PCDHGA3: variants seen among roughly 807,000 people sequenced by gnomAD.
PCDHGA3 encodes protocadherin gamma subfamily A, 3.
In PCDHGA3, 40 loss-of-function variants were observed where a neutral mutation model predicts 58.5. The observed-to-expected ratio is 0.68, with a 90% CI of 0.53 to 0.89. The LOEUF (loss-of-function observed/expected upper bound fraction) is 0.89, where lower values mean the gene tolerates loss of function less well. Among genes scored for constraint, PCDHGA3 ranks in the 40% least tolerant of loss-of-function variants. The pLI is 0.00. For synonymous variants in PCDHGA3, 530 were observed against 525.7 expected, an observed-to-expected ratio of 1.01 and a Z score of -0.11; for missense variants, 1,223 against 1,195.9, an observed-to-expected ratio of 1.02 and a Z score of -0.33.
In PCDHGA3 at chr5:141,462,383, G is replaced by A. The variant is rs78537075; in HGVS notation, c.2425-32424G>A. Among the ~76,000 whole-genome samples the A allele has an allele frequency of 5.6e-4, 85 of 151,920 alleles. 1 individual carries two copies. In the East Asian group the frequency reaches 0.016, roughly 29 times the overall value. ...GTATAGTTTCTATTCTTTTAAATTC[G>A]TTAACATTTCTTTTATGGCACAGAA... On this transcript the variant is annotated intron_variant, in intron 1 of 3. Transcript: ENST00000253812.
At chr5:141,466,348 G>A (rs2099120992) in intron 1 of PCDHGA3, among the ~76,000 whole-genome samples, 2 of 151,876 alleles carry the variant, frequency 1.3e-5, no homozygotes, top group Admixed American at 6.6e-5. Context: ...TTTTTTTGCA[G>A]CTAATCTAGA....
intron 2 of PCDHGA3, among the ~76,000 whole-genome samples, chr5:141,496,104 G>A (rs950960102): frequency 6.8e-6 from 1 of 146,980 alleles, no homozygotes; most frequent in African/African-American, 2.5e-5. Context: ...CCAACACCCC[G>A]CTCTCTTCCT....
intron 1 of PCDHGA3, among the ~76,000 whole-genome samples, chr5:141,445,961 G>T (rs944876169): frequency 1.3e-5 from 2 of 152,158 alleles, no homozygotes; most frequent in Non-Finnish European, 2.9e-5. Context: ...GCTATATGGA[G>T]AATTGATTTA....
At position 141,402,911 on chromosome 5, in the gene PCDHGA3, C is replaced by CT. The variant is rs2094320554; in HGVS notation, c.2424+56454_2424+56455insT. 6 of 1,551,858 alleles carry CT rather than the reference C, an allele frequency of 3.9e-6. No homozygotes were observed. In the African/African-American group the frequency reaches 8.2e-5, roughly 21 times the overall value. ...GAAGAAAGAACCTGATGAAGCAGCG[C>CT]GCACAGAGATCCTTTTGAGAAAATT... On this transcript the variant is annotated intron_variant, in intron 1 of 3. Coordinates refer to ENST00000253812, the MANE Select transcript of PCDHGA3 (RefSeq NM_018916.4).
In PCDHGA3 at chr5:141,413,371, CGCGGAGT is replaced by C. The variant is rs765391000; in HGVS notation, c.2424+66915_2424+66921del. The C allele has an allele frequency of 3.7e-6, 6 of 1,613,848 alleles. No homozygotes were observed. In the African/African-American group the frequency reaches 8.0e-5, roughly 22 times the overall value. On this transcript the variant is annotated intron_variant, in intron 1 of 3. Coordinates refer to ENST00000253812, the MANE Select transcript of PCDHGA3 (RefSeq NM_018916.4). ...TCTGGCGCCCCGGGAGCTGGCGGAG[CGCGGAGT>C]CCGCATAGTCTCCAGAGGTAGGACG...
chr5:141,395,372 G>A, intron 1 of PCDHGA3: 2 of 1,191,834 alleles, frequency 1.7e-6, no homozygotes, highest in Non-Finnish European at 2.3e-6. Flanking sequence ...TTATTTTGGT[G>A]GTGTTACTAT....
chr5:141,387,071 C>T (rs1487403463), intron 1 of PCDHGA3, among the ~76,000 whole-genome samples: 2 of 152,172 alleles, frequency 1.3e-5, no homozygotes, highest in African/African-American at 4.8e-5. Flanking sequence ...GAGGAGTAGG[C>T]TACTGCCTGT....
In PCDHGA3 at chr5:141,432,866, G is replaced by A; in HGVS notation, c.2425-61941G>A. The A allele has an allele frequency of 6.2e-7, 1 of 1,614,152 alleles. No individual in the cohort carries two copies. The highest frequency in any genetic ancestry group is 8.5e-7 in the Non-Finnish European group (1 of 1,180,008). On this transcript the variant is annotated intron_variant, in intron 1 of 3. Transcript: ENST00000253812. This position sits in a 1 kb window ranked among gnomAD's most constrained non-coding sequence, Gnocchi z 6.0. ...GGTAGCGGTGGCCGCGGTCTCCTGC[G>A]TCTTCCTGGCCTTCGTCATCTTGCT...
chr5:141,415,477 CGAAA>C (rs764359660), intron 1 of PCDHGA3: 56 of 1,614,066 alleles, frequency 3.5e-5, no homozygotes, highest in Middle Eastern at 3.3e-4. Context: ...CGCGGACTCG[CGAAA>C]GAGTCACCTG....
chr5:141,366,569 C>A (rs766850721), intron 1 of PCDHGA3: 1 of 1,614,110 alleles, frequency 6.2e-7, no homozygotes, highest in Non-Finnish European at 8.5e-7. Context: ...GGATGGGGTT[C>A]GGGCTTTCCT....
At chr5:141,387,764 A>AT (rs1054166588) in intron 1 of PCDHGA3, 8 of 1,430,464 alleles carry the variant, frequency 5.6e-6, no homozygotes, top group Non-Finnish European at 7.4e-6. Context: ...AAAAAGAAGA[A>AT]TTTTTTCTTG....
chr5:141,405,016 C>A (rs538744733), intron 1 of PCDHGA3: 1 of 1,614,006 alleles, frequency 6.2e-7, no homozygotes, highest in African/African-American at 1.3e-5. Flanking sequence ...AGGCCTCAGA[C>A]CTTACCCTCT....
Position 141,434,824 on chromosome 5 carries a change from A to C in PCDHGA3, c.2425-59983A>C, listed in dbSNP as rs143305842. ...CTTGGAGAAATATATCCCTTAGTACACTTGGCATTTATAAAGCAGACATCA... is the reference window on the plus strand; with the variant it reads ...CTTGGAGAAATATATCCCTTAGTACCCTTGGCATTTATAAAGCAGACATCA... On this transcript the variant is annotated intron_variant, in intron 1 of 3. Coordinates refer to ENST00000253812, the MANE Select transcript of PCDHGA3 (RefSeq NM_018916.4). 7.9e-4 allele frequency among the ~76,000 whole-genome samples: 120 copies of C among 152,004 alleles called. 2 individuals are homozygous for C. The highest frequency in any genetic ancestry group is 2.8e-3 in the African/African-American group (115 of 41,454).
chr5:141,393,902 G>A, intron 1 of PCDHGA3: 2 of 1,613,968 alleles, frequency 1.2e-6, no homozygotes, highest in Non-Finnish European at 8.5e-7. Context: ...CTCTTCCCGG[G>A]ACAGTAATTG....
intron 1 of PCDHGA3, chr5:141,374,861 C>T (rs1252622215): frequency 1.9e-6 from 3 of 1,613,638 alleles, no homozygotes; most frequent in Non-Finnish European, 2.5e-6. Flanking sequence ...AGTAGGCACA[C>T]CAGTGTTGGC....
chr5:141,412,976 A>C (rs2095594590), intron 1 of PCDHGA3: 1 of 535,900 alleles, frequency 1.9e-6, no homozygotes. Context: ...GAGAAAACGC[A>C]GCCAGAGCTC....
chr5:141,458,054 T>G (rs2098935656), intron 1 of PCDHGA3, among the ~76,000 whole-genome samples: 1 of 152,252 alleles, frequency 6.6e-6, no homozygotes, highest in Admixed American at 6.5e-5. Context: ...GGATTCTTGC[T>G]GCACTGATGC....
rs1477077191 is a variant in PCDHGA3, at chr5:141,427,802, C to T, written c.2425-67005C>T. 7.3e-6 allele frequency: 11 copies of T among 1,510,148 alleles called. No individual in the cohort carries two copies. In the South Asian group the frequency reaches 9.0e-5, roughly 12 times the overall value. The allele number at this position is 1,510,148 out of a possible 1,614,324, so 93.5% of individuals were successfully genotyped here. A position where few individuals can be genotyped will look rare whatever the true frequency, so the allele number is the denominator to read the frequency against. On this transcript the variant is annotated intron_variant, in intron 1 of 3. Transcript: ENST00000253812. ...CACTGTCGTCCTACGTGTCCGTGAG[C>T]GCACAGAGCGGGGTGGTGGTCGCGC... is the stretch of plus-strand genomic sequence containing the variant.
chr5:141,492,064 C>T (rs1562152072), intron 1 of PCDHGA3: 3 of 484,366 alleles, frequency 6.2e-6, no homozygotes, highest in Non-Finnish European at 1.1e-5. Context: ...AGCCAGCCTC[C>T]TAGGCGCCGG....
Sources: gnomAD v4.1 joint callset for allele counts (sites outside exome capture counted in the v4.1 genomes callset) on GRCh38, gnomAD v4.1.1 for gene constraint, Gnocchi (gnomAD v3.1) non-coding constraint, MANE v1.5 for transcripts, NCBI Gene and HGNC (gene_info 2026-07-23, HGNC 2026-07-21) for gene names.